The following PARP4 variants were observed in gnomAD, a reference collection of about 807,000 sequenced individuals.
PARP4 encodes the protein poly(ADP-ribose) polymerase family member 4.
Under a neutral mutation model 187.7 loss-of-function variants are expected in PARP4, and 120 were observed. That is an observed-to-expected ratio of 0.64 (90% CI 0.55 to 0.74). The LOEUF (loss-of-function observed/expected upper bound fraction) is 0.74, where lower values mean the gene tolerates loss of function less well. Among genes scored for constraint, PARP4 ranks in the 30% least tolerant of loss-of-function variants. The probability of loss-of-function intolerance (pLI) is 0.00; values close to 1 mark genes in which losing one functional copy is unlikely to be tolerated. For missense variants in PARP4, 1,836 were observed against 2,070.5 expected (o/e 0.89, Z 2.20); for synonymous variants, 654 against 740.9 (o/e 0.88, Z 1.90).
rs763430028 is a variant in PARP4, at chr13:24,456,467, G to A, written c.2436C>T (p.Cys812=). The A allele has an allele frequency of 1.9e-6, 3 of 1,599,530 alleles. No homozygotes were observed. The highest frequency in any genetic ancestry group is 4.5e-5 in the East Asian group (2 of 44,392). The change falls in exon 21 of 34, where the codon TGC becomes TGT. Residue 812 remains cysteine, a synonymous_variant. Coordinates refer to ENST00000381989, the MANE Select transcript of PARP4 (RefSeq NM_006437.4). ...THELKQKRTD[C]KAVISTMEGS... ...CTTCCATGGTGCTAATGACAGCTTT[G>A]CAGTCTGTGCGCTGCAAAACAAACA...
chr13:24,507,208 G>A (rs999851229), intron 1 of PARP4, among the ~76,000 whole-genome samples: 8 of 152,336 alleles, frequency 5.3e-5, no homozygotes, highest in East Asian at 1.9e-4. Flanking sequence ...AGCCGGCTCC[G>A]GCCTCGCCAG....
chr13:24,452,629 G>C, intron 23 of PARP4, 36 bp from the exon 24 acceptor site: 1 of 1,532,900 alleles, frequency 6.5e-7, no homozygotes, highest in Non-Finnish European at 8.9e-7. Context: ...TGTTCTCCTT[G>C]TTGGATGCAG....
intron 7 of PARP4, 81 bp from the exon 8 acceptor site, chr13:24,493,814 G>A: frequency 2.2e-6 from 3 of 1,360,454 alleles, no homozygotes; most frequent in Non-Finnish European, 3.1e-6. Flanking sequence ...AACGAACAGA[G>A]GTGTGAGGAG....
At chr13:24,495,273 G>T (rs1868883443) in intron 6 of PARP4, among the ~76,000 whole-genome samples, 1 of 152,074 alleles carries the variant, frequency 6.6e-6, no homozygotes, top group Non-Finnish European at 1.5e-5. Context: ...TGTTTCACTG[G>T]AGAGTTACTC....
Position 24,455,087 on chromosome 13 carries a change from C to A in PARP4, c.2688G>T (p.Lys896Asn), listed in dbSNP as rs777803337. The change falls in exon 22 of 34, where the codon AAG (lysine) becomes AAT (asparagine). Residue 896 changes from lysine (K) to asparagine (N), a missense_variant. Physicochemically the swap from Lys to Asn is moderately conservative, Grantham distance 94. Transcript: ENST00000381989. The stretch of plus-strand genomic sequence containing the variant: ...AGGACAGCGCATGCAAGGCGATTTG[C>A]TTGGCTTGCAAGAATGTCACACCCT... ...SMEGVTFLQA[K>N]QIALHALSLV... 1 of 1,613,270 alleles carries A rather than the reference C, an allele frequency of 6.2e-7. No individual in the cohort carries two copies. The highest frequency in any genetic ancestry group is 2.2e-5 in the East Asian group (1 of 44,858).
intron 9 of PARP4, among the ~76,000 whole-genome samples, chr13:24,491,727 C>T (rs1311501006): frequency 6.6e-6 from 1 of 152,200 alleles, no homozygotes; most frequent in Non-Finnish European, 1.5e-5. Flanking sequence ...ACTCACTAAG[C>T]CTGCTTCTCT....
intron 17 of PARP4, among the ~76,000 whole-genome samples, chr13:24,461,391 G>A (rs1432827878): frequency 6.6e-6 from 1 of 152,176 alleles, no homozygotes; most frequent in Non-Finnish European, 1.5e-5. Flanking sequence ...GTAGGATATA[G>A]GTGGATGCAG....
At position 24,499,538 on chromosome 13, in the gene PARP4, C is replaced by A; in HGVS notation, c.402-162G>T. Among the ~76,000 whole-genome samples, 2 of 152,210 alleles carry A rather than the reference C, an allele frequency of 1.3e-5. 1 individual carries two copies. The highest frequency in any genetic ancestry group is 3.8e-4 in the East Asian group (2 of 5,198). ...GTAAGTCCCTAAGGCCTCCTTAGCT[C>A]TTCCAGAAATTGTTAAAAGATCATT... On this transcript the variant is annotated intron_variant, in intron 4 of 33. Coordinates refer to ENST00000381989, the MANE Select transcript of PARP4 (RefSeq NM_006437.4).
chr13:24,456,931 A>C (rs188431089), intron 20 of PARP4, among the ~76,000 whole-genome samples: 5 of 152,046 alleles, frequency 3.3e-5, no homozygotes, highest in Admixed American at 1.3e-4. Context: ...CAAAACAAAA[A>C]AAACAAAATA....
chr13:24,432,370 C>T (rs1222047147), intron 31 of PARP4, among the ~76,000 whole-genome samples: 1 of 152,078 alleles, frequency 6.6e-6, no homozygotes, highest in Non-Finnish European at 1.5e-5. Context: ...AAAAAAAACC[C>T]ACTTTATTGA....
chr13:24,469,358 A>T (rs1297144455), intron 16 of PARP4, among the ~76,000 whole-genome samples: 1 of 152,132 alleles, frequency 6.6e-6, no homozygotes, highest in Non-Finnish European at 1.5e-5. Context: ...AGTGAAAAAA[A>T]TTTTTCTGGT....
At position 24,453,576 on chromosome 13, in the gene PARP4, C is replaced by T. The variant is rs763021353; in HGVS notation, c.2826+11G>A. ...AAGACCCAGGAGATACAGGAAGCCT[C>T]TTGCACTCACCATGATGAACTCTGC... On this transcript the variant is annotated intron_variant, in intron 23 of 33. Coordinates refer to ENST00000381989, the MANE Select transcript of PARP4 (RefSeq NM_006437.4). The T allele has an allele frequency of 3.0e-5, 46 of 1,552,368 alleles. No individual in the cohort carries two copies. The highest frequency in any genetic ancestry group is 3.5e-5 in the Non-Finnish European group (39 of 1,124,168).
In PARP4 at chr13:24,434,906, G is replaced by A. The variant is rs1187616230; in HGVS notation, c.4235C>T (p.Ala1412Val). Reference protein sequence around the residue: ...SGSSLSSAQSAPLQHPGGFTT... With the variant: ...SGSSLSSAQSVPLQHPGGFTT... ...AAAGCCTCCAGGATGTTGCAGTGGA[G>A]CAGACTGTGCAGAGCTTAATGAGCT... The change falls in exon 31 of 34, where the codon GCT (alanine) becomes GTT (valine). Residue 1412 changes from alanine (A) to valine (V), a missense_variant. Ala to Val is a moderately conservative substitution (Grantham distance 64). Around this residue, in one of 8 missense-constraint regions of PARP4, gnomAD observed 450 missense variants for 439.2 expected, o/e 1.02. Transcript: ENST00000381989. 6.2e-7 allele frequency: 1 copy of A among 1,614,132 alleles called. No individual in the cohort carries two copies. The highest frequency in any genetic ancestry group is 8.5e-7 in the Non-Finnish European group (1 of 1,180,016).
intron 23 of PARP4, among the ~76,000 whole-genome samples, chr13:24,452,849 C>T (rs1165837297): frequency 6.6e-6 from 1 of 152,192 alleles, no homozygotes; most frequent in East Asian, 1.9e-4. Context: ...GAAGAAATGT[C>T]CCATCCAATC....
rs1420686247 is a variant in PARP4, at chr13:24,434,448, G to A, written c.4693C>T (p.Gln1565Ter). 6.2e-7 allele frequency: 1 copy of A among 1,602,210 alleles called. No homozygotes were observed. Residue 1565 changes from glutamine to a stop codon, truncating the protein, a stop_gained, in exon 31 of 34, where the codon CAA becomes TAA. Transcript: ENST00000381989. LOFTEE classifies it high-confidence loss of function. ...CAAGGCACAGCATCCTGCCAGTGTTGTATGCACACTATTTCATCCTCTTCT... is the reference window on the plus strand; with the variant it reads ...CAAGGCACAGCATCCTGCCAGTGTTATATGCACACTATTTCATCCTCTTCT... ...VKEEDEIVCI[Q>*]HWQDAVPWTE...
intron 25 of PARP4, among the ~76,000 whole-genome samples, chr13:24,448,320 A>G (rs1313592555): frequency 1.3e-5 from 2 of 152,144 alleles, no homozygotes; most frequent in Non-Finnish European, 2.9e-5. Context: ...AGGTGGGAGG[A>G]TTGCTTGGGC....
chr13:24,477,880 G>A lies in PARP4; in HGVS notation c.1633-23C>T, dbSNP rs762346077. The A allele has an allele frequency of 4.6e-6, 7 of 1,521,554 alleles. No individual in the cohort carries two copies. In the South Asian group the frequency reaches 7.6e-5, roughly 16 times the overall value. The allele number at this position is 1,521,554 out of a possible 1,614,324, so 94.3% of individuals were successfully genotyped here. Reference sequence around the variant, plus strand: ...ATCCTAGAGCAAACAGAAATCAGTAGGTGATTAACAACAGAAGCAACAAAA... The same window carrying A: ...ATCCTAGAGCAAACAGAAATCAGTAAGTGATTAACAACAGAAGCAACAAAA... On this transcript the variant is annotated intron_variant, in intron 13 of 33. Transcript: ENST00000381989.
At chr13:24,464,979 G>A (rs918431659) in intron 17 of PARP4, among the ~76,000 whole-genome samples, 2 of 151,960 alleles carry the variant, frequency 1.3e-5, no homozygotes, top group East Asian at 1.9e-4. Context: ...AGTGGGCAAA[G>A]GACATGAACA....
chr13:24,468,834 T>C (rs4769361), intron 17 of PARP4, among the ~76,000 whole-genome samples, 190 bp downstream of exon 17: 77,108 of 151,786 alleles, frequency 0.51, 19,869 homozygotes, highest in South Asian at 0.65. Context: ...GAACTACTGA[T>C]GCTGTTTCCT....
Sources: gnomAD v4.1 joint callset for allele counts (sites outside exome capture counted in the v4.1 genomes callset) on GRCh38, gnomAD v4.1.1 for gene constraint, gnomAD v4.1.1 regional missense constraint, MANE v1.5 for transcripts, NCBI Gene and HGNC (gene_info 2026-07-23, HGNC 2026-07-21) for gene names.